Variants in PTPN6 observed in about 807,000 individuals in gnomAD.
PTPN6 encodes tyrosine-protein phosphatase non-receptor type 6.
PTPN6 carries 18 observed loss-of-function variants against 81.5 expected under a neutral mutation model. The ratio of observed to expected loss-of-function variants is 0.22; its 90% confidence interval spans 0.15 to 0.33. PTPN6 has a LOEUF of 0.33. PTPN6 is among the 10% of genes least tolerant of loss of function. The pLI, the probability that PTPN6 is intolerant of heterozygous loss-of-function variation, is 1.00. For missense variants in PTPN6, 500 were observed against 794.2 expected (o/e 0.63, Z 4.45); for synonymous variants, 301 against 310.9 (o/e 0.97, Z 0.33).
At chr12:6,948,073 C>T (rs1158673182), upstream of PTPN6, among the ~76,000 whole-genome samples, 1 of 151,500 alleles carries the variant, frequency 6.6e-6, no homozygotes, top group Non-Finnish European at 1.5e-5. Flanking sequence ...ATTGCTTGAG[C>T]TCAGGAGTTT....
Position 6,955,048 on chromosome 12 carries a change from C to T in PTPN6, c.516+54C>T. ...CTGCTGAGGCTCCTGTCTGTGACCA[C>T]AGTGTGGGTGGCAGGGAGGGTCTGC... On this transcript the variant is annotated intron_variant, in intron 4 of 15. Coordinates refer to ENST00000318974, the MANE Select transcript of PTPN6 (RefSeq NM_002831.6). The surrounding 1 kb of genome is among the most constrained non-coding windows in gnomAD (Gnocchi z 7.2). The T allele has an allele frequency of 6.2e-7, 1 of 1,610,270 alleles. No individual in the cohort carries two copies. Among genetic ancestry groups the T allele is most frequent in the Non-Finnish European group, 8.5e-7 (1 of 1,176,644 alleles).
chr12:6,961,222 C>G lies in PTPN6; in HGVS notation c.*122C>G, dbSNP rs1238778953. On this transcript the variant is annotated 3_prime_UTR_variant, in exon 16 of 16. Coordinates refer to ENST00000318974, the MANE Select transcript of PTPN6 (RefSeq NM_002831.6). ...CTTTTGTAATTTAAATGGCTGCATC[C>G]CCCCCACCTCTCCCTGACCCTGTAT... 1 of 440,880 alleles carries G rather than the reference C, an allele frequency of 2.3e-6. No individual in the cohort carries two copies. 27.3% of individuals were successfully genotyped at this position (440,880 alleles called of 1,614,324 possible). A position where few individuals can be genotyped will look rare whatever the true frequency, so the allele number is the denominator to read the frequency against.
upstream of PTPN6, among the ~76,000 whole-genome samples, chr12:6,948,395 A>G (rs782306861): frequency 6.0e-5 from 9 of 150,048 alleles, no homozygotes; most frequent in Admixed American, 6.0e-4. Flanking sequence ...GGATTGTGAC[A>G]CTGCACTTCA....
intron 11 of PTPN6, among the ~76,000 whole-genome samples, 182 bp downstream of exon 11, chr12:6,958,255 C>T (rs1946067732): frequency 6.6e-6 from 1 of 152,158 alleles, no homozygotes; most frequent in Non-Finnish European, 1.5e-5. Context: ...TGGAACCAGC[C>T]CCACTTTGGC....
chr12:6,947,550 G>A (rs1225920106), upstream of PTPN6, among the ~76,000 whole-genome samples: 3 of 151,722 alleles, frequency 2.0e-5, no homozygotes, highest in African/African-American at 4.8e-5. Flanking sequence ...ACGTCCTGTG[G>A]TTCCAGCTAT....
chr12:6,960,224 G>T lies in PTPN6; in HGVS notation c.1566G>T (p.Lys522Asn). ...IAQFIETTKKKLEVLQSQKGQ... is the reference protein window; with the variant it reads ...IAQFIETTKKNLEVLQSQKGQ... ...AGTTCATTGAAACCACTAAGAAGAA[G>T]CTGGAGGTCCTGCAGGTGCGTGCAG... is the stretch of plus-strand genomic sequence containing the variant. The change falls in exon 13 of 16, where the codon AAG becomes AAT. Residue 522 changes from lysine (K) to asparagine (N), a missense_variant. By Grantham distance (94) the Lys-to-Asn change is moderately conservative. Around this residue, in one of 6 missense-constraint regions of PTPN6, gnomAD observed 226 missense variants for 364.4 expected, o/e 0.62. Transcript: ENST00000318974. This position sits in a 1 kb window ranked among gnomAD's most constrained non-coding sequence, Gnocchi z 6.1. 6.2e-7 allele frequency: 1 copy of T among 1,609,730 alleles called. No individual in the cohort carries two copies. The highest frequency in any genetic ancestry group is 8.5e-7 in the Non-Finnish European group (1 of 1,178,142).
chr12:6,960,314 A>G lies in PTPN6; in HGVS notation c.1582-30A>G, dbSNP rs1482743932. The G allele has an allele frequency of 1.2e-6, 2 of 1,609,060 alleles. No homozygotes were observed. Among genetic ancestry groups the G allele is most frequent in the Non-Finnish European group, 1.7e-6 (2 of 1,178,692 alleles). Reference sequence around the variant, plus strand: ...GGTGCCACCTGGCCCTGCTGGGACCACCACCTTCCCACTGTCCCTCTGCCC... The same window carrying G: ...GGTGCCACCTGGCCCTGCTGGGACCGCCACCTTCCCACTGTCCCTCTGCCC... On this transcript the variant is annotated intron_variant, in intron 13 of 15. Transcript: ENST00000318974. This position sits in a 1 kb window ranked among gnomAD's most constrained non-coding sequence, Gnocchi z 6.1.
rs1203318970 is a variant in PTPN6 at position 6,955,590 on chromosome 12, A to AC, written c.748-66dup. On this transcript the variant is annotated intron_variant, in intron 6 of 15. Transcript: ENST00000318974. The surrounding 1 kb of genome is among the most constrained non-coding windows in gnomAD (Gnocchi z 7.2). ...CCTTGCCCACCTCTGCTCCTGACCC[A>AC]CCCCACGTGAGCTCCCCCGATGGAT... 4 of 1,569,250 alleles carry AC rather than the reference A, an allele frequency of 2.5e-6. No homozygotes were observed. The highest frequency in any genetic ancestry group is 2.6e-6 in the Non-Finnish European group (3 of 1,140,396).
In PTPN6 at chr12:6,956,648, G is replaced by A; in HGVS notation, c.1074+80G>A. 1 of 1,578,844 alleles carries A rather than the reference G, an allele frequency of 6.3e-7. No individual in the cohort carries two copies. Among genetic ancestry groups the A allele is most frequent in the Non-Finnish European group, 8.7e-7 (1 of 1,154,832 alleles). On this transcript the variant is annotated intron_variant, in intron 9 of 15. Transcript: ENST00000318974. The surrounding 1 kb of genome is among the most constrained non-coding windows in gnomAD (Gnocchi z 4.1). ...AGTCGAAGAGCAGTCAGATGCCAGG[G>A]CAGAAAGGGATCTCAGGGGTGAGGG...
At position 6,960,270 on chromosome 12, in the gene PTPN6, G is replaced by GGC. The variant is rs1946112464; in HGVS notation, c.1581+32_1581+33insCG. On this transcript the variant is annotated intron_variant, in intron 13 of 15. Coordinates refer to ENST00000318974, the MANE Select transcript of PTPN6 (RefSeq NM_002831.6). This position sits in a 1 kb window ranked among gnomAD's most constrained non-coding sequence, Gnocchi z 6.1. ...TGCAGAGCAGGGCCTGGGGGGGGGG[G>GGC]GGGCTGCAGTGCAGGATGGGTGCCA... The GGC allele has an allele frequency of 6.2e-7, 1 of 1,605,118 alleles. No homozygotes were observed. Among genetic ancestry groups the GGC allele is most frequent in the African/African-American group, 1.3e-5 (1 of 74,134 alleles).
chr12:6,960,016 G>A lies in PTPN6; in HGVS notation c.1429+22G>A, dbSNP rs1555149425. On this transcript the variant is annotated intron_variant, in intron 12 of 15. Coordinates refer to ENST00000318974, the MANE Select transcript of PTPN6 (RefSeq NM_002831.6). The surrounding 1 kb of genome is among the most constrained non-coding windows in gnomAD (Gnocchi z 6.1). ...AAGGGTGAGGGGCACCTGGGGGTTT[G>A]GGGGTGGGGGGTGAGCAGCCCCTCG... The A allele has an allele frequency of 3.1e-6, 5 of 1,607,932 alleles. No homozygotes were observed. The South Asian group carries it at 5.5e-5, about 18-fold the overall frequency.
chr12:6,956,684 G>A lies in PTPN6; in HGVS notation c.1074+116G>A. On this transcript the variant is annotated intron_variant, in intron 9 of 15. Transcript: ENST00000318974. This position sits in a 1 kb window ranked among gnomAD's most constrained non-coding sequence, Gnocchi z 4.1. ...TCTCAGGGGTGAGGGTCCGGCCCTT[G>A]TTGGGAAACTGAGGGCTAGTGACAA... 1.4e-6 allele frequency: 2 copies of A among 1,387,166 alleles called. No homozygotes were observed. Among genetic ancestry groups the A allele is most frequent in the Non-Finnish European group, 2.0e-6 (2 of 1,002,378 alleles). The allele number at this position is 1,387,166 out of a possible 1,614,324, so 85.9% of individuals were successfully genotyped here.
rs781908429 is a variant in PTPN6 at position 6,951,971 on chromosome 12, G to T, written c.132-12G>T. 3.7e-6 allele frequency: 6 copies of T among 1,613,606 alleles called. No homozygotes were observed. The African/African-American group carries it at 8.0e-5, about 22-fold the overall frequency. ...CCTGCACCGACTGGCCTCACCGCCT[G>T]GTGCCCTGCAGGGTGGGGGATCAGG... On this transcript the variant is annotated splice_polypyrimidine_tract_variant and intron_variant, in intron 2 of 15. Coordinates refer to ENST00000318974, the MANE Select transcript of PTPN6 (RefSeq NM_002831.6). The surrounding 1 kb of genome is among the most constrained non-coding windows in gnomAD (Gnocchi z 7.2).
Position 6,957,520 on chromosome 12 carries a change from CCT to C in PTPN6, c.1075-129_1075-128del, listed in dbSNP as rs1242498681. On this transcript the variant is annotated intron_variant, in intron 9 of 15. Coordinates refer to ENST00000318974, the MANE Select transcript of PTPN6 (RefSeq NM_002831.6). This position sits in a 1 kb window ranked among gnomAD's most constrained non-coding sequence, Gnocchi z 6.5. ...CTGAGACGAGAGCCCAGGTCTCCTG[CCT>C]CTCTGCCAGCCCATCCGTCCATCCA... 1.8e-5 allele frequency: 22 copies of C among 1,220,922 alleles called. No individual in the cohort carries two copies. The African/African-American group carries it at 3.3e-4, about 18-fold the overall frequency. The allele number at this position is 1,220,922 out of a possible 1,614,324, so 75.6% of individuals were successfully genotyped here.
At chr12:6,958,562 C>A (rs979692661) in intron 11 of PTPN6, among the ~76,000 whole-genome samples, 1 of 152,266 alleles carries the variant, frequency 6.6e-6, no homozygotes, top group African/African-American at 2.4e-5. Context: ...GCCCTCTCTC[C>A]CAGCTTCCCC....
Position 6,960,223 on chromosome 12 carries a change from A to G in PTPN6, c.1565A>G (p.Lys522Arg), listed in dbSNP as rs1946107148. The G allele has an allele frequency of 6.4e-7, 1 of 1,561,262 alleles. No homozygotes were observed. Among genetic ancestry groups the G allele is most frequent in the South Asian group, 1.1e-5 (1 of 89,656 alleles). Residue 522 changes from lysine to arginine, a missense_variant, in exon 13 of 16, where the codon AAG becomes AGG. Transcript: ENST00000318974. The surrounding 1 kb of genome is among the most constrained non-coding windows in gnomAD (Gnocchi z 6.1). ...CAGTTCATTGAAACCACTAAGAAGA[A>G]GCTGGAGGTCCTGCAGGTGCGTGCA... ...IAQFIETTKKKLEVLQSQKGQ... is the reference protein window; with the variant it reads ...IAQFIETTKKRLEVLQSQKGQ...
Position 6,952,339 on chromosome 12 carries a change from TGG to T in PTPN6, c.326+164_326+165del. On this transcript the variant is annotated intron_variant, in intron 3 of 15. Coordinates refer to ENST00000318974, the MANE Select transcript of PTPN6 (RefSeq NM_002831.6). This position sits in a 1 kb window ranked among gnomAD's most constrained non-coding sequence, Gnocchi z 8.1. The stretch of plus-strand genomic sequence containing the variant: ...TCAATGTCCCTCCTCCCTGCTGTCC[TGG>T]GACCTGGTGTCTCAGAGCCTAACCT... 1.3e-6 allele frequency: 1 copy of T among 794,930 alleles called. No homozygotes were observed. Among genetic ancestry groups the T allele is most frequent in the Non-Finnish European group, 2.0e-6 (1 of 491,926 alleles). The allele number at this position is 794,930 out of a possible 1,614,324, so 49.2% of individuals were successfully genotyped here. A position where few individuals can be genotyped will look rare whatever the true frequency, so the allele number is the denominator to read the frequency against.
At position 6,956,268 on chromosome 12, in the gene PTPN6, TC is replaced by T; in HGVS notation, c.924+50del. The T allele has an allele frequency of 6.2e-7, 1 of 1,611,198 alleles. No individual in the cohort carries two copies. The highest frequency in any genetic ancestry group is 8.5e-7 in the Non-Finnish European group (1 of 1,177,416). ...GGAGGAGAGGCTGGGCCCTGGGAAT[TC>T]CCTGTCTGGTGGGGGGACCCTAGAT... On this transcript the variant is annotated intron_variant, in intron 8 of 15. Transcript: ENST00000318974. The surrounding 1 kb of genome is among the most constrained non-coding windows in gnomAD (Gnocchi z 4.1).
rs1555149852 is a variant in PTPN6, at chr12:6,960,886, A to G, written c.1754A>G (p.Lys585Arg). ...EKVKKQRSAD[K>R]EKSKGSLKRK ...GTGAAGAAGCAGCGGTCAGCAGACAAGGAGAAGAGCAAGGGTTCCCTCAAG... is the reference window on the plus strand; with the variant it reads ...GTGAAGAAGCAGCGGTCAGCAGACAGGGAGAAGAGCAAGGGTTCCCTCAAG... Residue 585 changes from lysine to arginine, a missense_variant, in exon 15 of 16, where the codon AAG (lysine) becomes AGG (arginine). Around this residue, in one of 6 missense-constraint regions of PTPN6, gnomAD observed 56 missense variants for 56.4 expected, o/e 0.99. Coordinates refer to ENST00000318974, the MANE Select transcript of PTPN6 (RefSeq NM_002831.6). This position sits in a 1 kb window ranked among gnomAD's most constrained non-coding sequence, Gnocchi z 6.1. 4 of 1,578,174 alleles carry G rather than the reference A, an allele frequency of 2.5e-6. No individual in the cohort carries two copies. In the East Asian group the frequency reaches 9.3e-5, roughly 37 times the overall value.
Sources: allele counts gnomAD v4.1 joint callset (sites outside exome capture counted in the v4.1 genomes callset), GRCh38; gene constraint gnomAD v4.1.1; regional missense constraint gnomAD v4.1.1; non-coding constraint Gnocchi (gnomAD v3.1); transcripts MANE v1.5; gene names NCBI Gene and HGNC (gene_info 2026-07-23, HGNC 2026-07-21).